HNRNPA1L2: variants seen among roughly 807,000 people sequenced by gnomAD.
HNRNPA1L2 encodes the protein heterogeneous nuclear ribonucleoprotein A1-like 2.
In HNRNPA1L2, 10 loss-of-function variants were observed where a neutral mutation model predicts 18.2. The ratio of observed to expected loss-of-function variants is 0.55; its 90% CI spans 0.34 to 0.93. The LOEUF (loss-of-function observed/expected upper bound fraction) is 0.93. Among genes scored for constraint, HNRNPA1L2 ranks in the 40% least tolerant of loss-of-function variants. The probability of loss-of-function intolerance (pLI) is 0.02; values close to 1 mark genes in which losing one functional copy is unlikely to be tolerated. For synonymous variants in HNRNPA1L2, 124 were observed against 138.6 expected (o/e 0.89, Z 0.74); for missense variants, 308 against 394.4 (o/e 0.78, Z 1.85).
the HNRNPA1L2 span, among the ~76,000 whole-genome samples, chr13:52,628,746 CT>C: frequency 6.6e-6 from 1 of 152,104 alleles, no homozygotes; most frequent in African/African-American, 2.4e-5. Flanking sequence ...TAATAGATGA[CT>C]TTTTAAAATT....
chr13:52,623,331 A>G, the HNRNPA1L2 span, among the ~76,000 whole-genome samples: 2 of 152,198 alleles, frequency 1.3e-5, no homozygotes, highest in Admixed American at 1.3e-4. Flanking sequence ...CACGTAAACA[A>G]TTTCTTTCCA....
upstream of HNRNPA1L2, among the ~76,000 whole-genome samples, chr13:52,639,675 G>GT (rs1483940850): frequency 2.4e-5 from 2 of 85,076 alleles, no homozygotes; most frequent in Admixed American, 1.5e-4. Flanking sequence ...GTTCTCTTCT[G>GT]TTTTTGTTGA....
chr13:52,630,134 T>C, the HNRNPA1L2 span, among the ~76,000 whole-genome samples: 12 of 152,208 alleles, frequency 7.9e-5, no homozygotes. Context: ...ATGTCTTACA[T>C]AGTTATTTTA....
chr13:52,643,122 C>T lies in HNRNPA1L2; in HGVS notation c.630C>T (p.Phe210=), dbSNP rs769422775. The T allele has an allele frequency of 4.3e-5, 68 of 1,597,614 alleles. No individual in the cohort carries two copies. The highest frequency in any genetic ancestry group is 5.5e-5 in the South Asian group (5 of 90,976). The change falls in exon 1 of 1, where the codon TTC becomes TTT. Residue 210 remains phenylalanine (F), a synonymous_variant. Coordinates refer to ENST00000357495, the MANE Select transcript of HNRNPA1L2 (RefSeq NM_001389320.1). The part of the protein sequence containing the change: ...GNFGGGRGDG[F]GGNDNFGRGG... Reference sequence around the variant, plus strand: ...TTGGTGGTGGTCGTGGAGATGGTTTCGGTGGGAATGACAACTTTGGTCGTG... The same window carrying T: ...TTGGTGGTGGTCGTGGAGATGGTTTTGGTGGGAATGACAACTTTGGTCGTG...
the HNRNPA1L2 span, chr13:52,637,415 A>G: frequency 3.9e-6 from 1 of 256,202 alleles, no homozygotes; most frequent in Non-Finnish European, 7.8e-6. Context: ...AAAAGAGGGG[A>G]AACTGAGAGT....
At chr13:52,623,625 T>A in the HNRNPA1L2 span, among the ~76,000 whole-genome samples, 5 of 152,196 alleles carry the variant, frequency 3.3e-5, no homozygotes, top group African/African-American at 1.2e-4. Context: ...CCCTCCCCGC[T>A]TTTCAAGGAC....
At chr13:52,634,187 A>G in the HNRNPA1L2 span, among the ~76,000 whole-genome samples, 1 of 152,170 alleles carries the variant, frequency 6.6e-6, no homozygotes, top group African/African-American at 2.4e-5. Flanking sequence ...GGAAATGCAA[A>G]ATGCATAGGG....
the HNRNPA1L2 span, among the ~76,000 whole-genome samples, chr13:52,626,204 A>G: frequency 2.0e-5 from 3 of 152,258 alleles, 1 homozygote; most frequent in South Asian, 6.2e-4. Context: ...TAATTTGAAT[A>G]TTAGGTAATA....
chr13:52,629,145 G>A, the HNRNPA1L2 span: 1 of 152,600 alleles, frequency 6.6e-6, no homozygotes, highest in Non-Finnish European at 1.5e-5. Flanking sequence ...CAAAATGCTG[G>A]GATTACAGGT....
At chr13:52,634,062 A>G in the HNRNPA1L2 span, among the ~76,000 whole-genome samples, 10 of 152,344 alleles carry the variant, frequency 6.6e-5, no homozygotes, top group South Asian at 2.1e-3. Context: ...TAAAATATAC[A>G]TCTATAAAGG....
upstream of HNRNPA1L2, among the ~76,000 whole-genome samples, chr13:52,638,492 TATC>T (rs1385435030): frequency 6.8e-6 from 1 of 147,660 alleles, no homozygotes; most frequent in African/African-American, 2.7e-5. Flanking sequence ...AAGAATGTAT[TATC>T]CTTAGATTCT....
At chr13:52,626,970 C>T in the HNRNPA1L2 span, among the ~76,000 whole-genome samples, 1 of 152,122 alleles carries the variant, frequency 6.6e-6, no homozygotes, top group Non-Finnish European at 1.5e-5. Context: ...GCTCTAATAT[C>T]TGTGAGAATC....
Position 52,642,566 on chromosome 13 carries a change from C to A in HNRNPA1L2, c.74C>A (p.Thr25Lys). The A allele has an allele frequency of 1.2e-6, 2 of 1,611,924 alleles. No homozygotes were observed. The highest frequency in any genetic ancestry group is 1.1e-5 in the South Asian group (1 of 90,974). The change falls in exon 1 of 1, where the codon ACA becomes AAA. Residue 25 changes from threonine to lysine, a missense_variant. Transcript: ENST00000357495. Reference sequence around the variant, plus strand: ...TTCATTGGAGGGTTGAGCTTTGAAACAACTGATGAGAGCCTGAGGAGCCAT... The same window carrying A: ...TTCATTGGAGGGTTGAGCTTTGAAAAAACTGATGAGAGCCTGAGGAGCCAT... ...KLFIGGLSFE[T>K]TDESLRSHFE...
upstream of HNRNPA1L2, among the ~76,000 whole-genome samples, chr13:52,639,883 T>TTTTTG (rs1566162094): frequency 1.3e-4 from 15 of 115,178 alleles, no homozygotes; most frequent in African/African-American, 4.4e-4. Flanking sequence ...CTTGTTTTTT[T>TTTTTG]TTTTTTTTTT....
upstream of HNRNPA1L2, chr13:52,640,782 C>T (rs1961631956): frequency 1.3e-5 from 2 of 152,208 alleles, no homozygotes; most frequent in African/African-American, 4.8e-5. Flanking sequence ...CACCCATAAC[C>T]ATTCATAGTA....
At chr13:52,620,059 T>G in the HNRNPA1L2 span, among the ~76,000 whole-genome samples, 3 of 152,178 alleles carry the variant, frequency 2.0e-5, no homozygotes, top group Non-Finnish European at 4.4e-5. Context: ...TTAAAGTGCC[T>G]GATTTGATAG....
rs1389293609 is a variant in HNRNPA1L2 at position 52,643,768 on chromosome 13, G to A, written c.*313G>A. ...CTAAATGTAATAGTCTGATTGTGAC[G>A]CTGAATAAATGTCTCTAAAAAAAAA... On this transcript the variant is annotated 3_prime_UTR_variant, in exon 1 of 1. Transcript: ENST00000357495. 3.1e-5 allele frequency: 12 copies of A among 383,120 alleles called. No individual in the cohort carries two copies. Among genetic ancestry groups the A allele is most frequent in the Non-Finnish European group, 4.8e-5 (10 of 208,918 alleles). The allele number at this position is 383,120 out of a possible 1,614,324, so 23.7% of individuals were successfully genotyped here.
chr13:52,621,263 CATTT>C, the HNRNPA1L2 span, among the ~76,000 whole-genome samples: 2 of 152,152 alleles, frequency 1.3e-5, no homozygotes, highest in Non-Finnish European at 2.9e-5. Flanking sequence ...GCAAAAATGA[CATTT>C]ATAGCCATCG....
At chr13:52,627,657 C>G in the HNRNPA1L2 span, 3 of 152,330 alleles carry the variant, frequency 2.0e-5, no homozygotes, top group African/African-American at 7.2e-5. Flanking sequence ...AAGTAATACA[C>G]ATAATATATA....
Sources: allele counts gnomAD v4.1 joint callset (sites outside exome capture counted in the v4.1 genomes callset), GRCh38; gene constraint gnomAD v4.1.1; transcripts MANE v1.5; gene names NCBI Gene and HGNC (gene_info 2026-07-23, HGNC 2026-07-21).